Variants in FGF14 observed in about 807,000 individuals in gnomAD.
FGF14 encodes fibroblast growth factor 14, also known as fibroblast growth factor homologous factor 4.
In FGF14, 5 loss-of-function variants were observed where a neutral mutation model predicts 25.5. The ratio of observed to expected loss-of-function variants is 0.20; its 90% CI spans 0.10 to 0.41. FGF14 has a LOEUF of 0.41. Ranked by LOEUF, FGF14 falls within the 10% of genes least tolerant of loss-of-function variation. The pLI, the probability that FGF14 is intolerant of heterozygous loss-of-function variation, is 1.00. For synonymous variants in FGF14, 138 were observed against 118.3 expected (o/e 1.17, Z -1.08); for missense variants, 222 against 320.1 (o/e 0.69, Z 2.34).
chr13:102,126,986 G>T (rs2045975346), intron 1 of FGF14, among the ~76,000 whole-genome samples: 1 of 152,134 alleles, frequency 6.6e-6, no homozygotes, highest in Non-Finnish European at 1.5e-5. Context: ...TTGCTTTGAG[G>T]TAACAAGCTG....
intron 1 of FGF14, among the ~76,000 whole-genome samples, chr13:101,884,668 C>T (rs116683764): frequency 4.7e-4 from 71 of 152,066 alleles, no homozygotes; most frequent in African/African-American, 1.7e-3. Flanking sequence ...TAATGCATTC[C>T]CTGTCGCTGA....
At chr13:102,288,816 C>T (rs1481314501) in intron 1 of FGF14, among the ~76,000 whole-genome samples, 1 of 152,154 alleles carries the variant, frequency 6.6e-6, no homozygotes, top group Non-Finnish European at 1.5e-5. Flanking sequence ...AACTCCTAAC[C>T]TCAAGTGATC....
At chr13:102,399,998 G>T (rs1595063328) in intron 1 of FGF14, among the ~76,000 whole-genome samples, 1 of 152,164 alleles carries the variant, frequency 6.6e-6, no homozygotes. Context: ...CTCCTTTGCT[G>T]CAGGAATGGT....
At chr13:101,832,332 A>G (rs2042712179) in intron 3 of FGF14, among the ~76,000 whole-genome samples, 1 of 152,072 alleles carries the variant, frequency 6.6e-6, no homozygotes, top group Non-Finnish European at 1.5e-5. Context: ...TGGCCTGGAG[A>G]AGCATCAATG....
At chr13:102,356,680 C>T (rs2139011736) in intron 1 of FGF14, among the ~76,000 whole-genome samples, 1 of 152,254 alleles carries the variant, frequency 6.6e-6, no homozygotes, top group South Asian at 2.1e-4. Flanking sequence ...CCCATTGAAT[C>T]ACACAACTGG....
At chr13:101,858,342 A>C (rs2044235471) in intron 3 of FGF14, among the ~76,000 whole-genome samples, 1 of 151,988 alleles carries the variant, frequency 6.6e-6, no homozygotes. Flanking sequence ...TTTTGCTTCA[A>C]ATTTTAATAG....
chr13:101,962,532 T>A (rs911956393), intron 1 of FGF14, among the ~76,000 whole-genome samples: 1 of 152,060 alleles, frequency 6.6e-6, no homozygotes, highest in Non-Finnish European at 1.5e-5. Flanking sequence ...CCAAAGGCAC[T>A]CAAGGGAATA....
rs75047752 is a variant in FGF14, at chr13:102,117,475, C to T, written c.209-242179G>A. On this transcript the variant is annotated intron_variant, in intron 1 of 4. Coordinates refer to the FGF14 transcript ENST00000376131. Reference sequence around the variant, plus strand: ...CCTCAACTCGGCTTCGTAGAGGAATCACTTGGAGAGCTTTGAAAAATACTG... The same window carrying T: ...CCTCAACTCGGCTTCGTAGAGGAATTACTTGGAGAGCTTTGAAAAATACTG... 7.5e-3 allele frequency among the ~76,000 whole-genome samples: 1,137 copies of T among 152,278 alleles called. 20 individuals carry two copies. Among genetic ancestry groups the T allele is most frequent in the African/African-American group, 0.026 (1,075 of 41,548 alleles).
At chr13:102,182,207 C>T (rs1165057389) in intron 1 of FGF14, among the ~76,000 whole-genome samples, 1 of 152,074 alleles carries the variant, frequency 6.6e-6, no homozygotes, top group African/African-American at 2.4e-5. Context: ...TACAGAGACG[C>T]TACATTCCCG....
chr13:101,719,836 C>A lies in FGF14; in HGVS notation c.*2995G>T, dbSNP rs528589817. The A allele has an allele frequency of 2.6e-5, 4 of 151,858 alleles. No individual in the cohort carries two copies. In the South Asian group the frequency reaches 8.3e-4, roughly 32 times the overall value. 9.4% of individuals were successfully genotyped at this position (151,858 alleles called of 1,614,324 possible). On this transcript the variant is annotated 3_prime_UTR_variant, in exon 5 of 5. Transcript: ENST00000376143. ...ACATCAGTAGTGACAGATTGCACTTCTTACTTAATAACAGCAAACTTAATT... is the reference window on the plus strand; with the variant it reads ...ACATCAGTAGTGACAGATTGCACTTATTACTTAATAACAGCAAACTTAATT...
At chr13:102,195,024 A>C (rs2049288237) in intron 1 of FGF14, among the ~76,000 whole-genome samples, 1 of 152,164 alleles carries the variant, frequency 6.6e-6, no homozygotes, top group Admixed American at 6.5e-5. Context: ...ACTATTCTTC[A>C]AAAATGAAAA....
intron 3 of FGF14, among the ~76,000 whole-genome samples, chr13:101,739,945 C>T (rs779876559): frequency 6.6e-6 from 1 of 152,170 alleles, no homozygotes; most frequent in Non-Finnish European, 1.5e-5. Flanking sequence ...AGTTAAAAAT[C>T]AACTTAGAAC....
intron 1 of FGF14, among the ~76,000 whole-genome samples, chr13:102,118,317 G>T (rs2045566539): frequency 6.6e-6 from 1 of 151,702 alleles, no homozygotes; most frequent in Non-Finnish European, 1.5e-5. Context: ...AAAAGAGAGA[G>T]AAAAATAATT....
At chr13:102,155,157 G>A (rs1389294634) in intron 1 of FGF14, among the ~76,000 whole-genome samples, 7 of 152,208 alleles carry the variant, frequency 4.6e-5, no homozygotes, top group Admixed American at 4.6e-4. Context: ...TCTGCACCAA[G>A]CAGACCTAAT....
chr13:101,785,247 T>A (rs1242725598), intron 3 of FGF14, among the ~76,000 whole-genome samples: 1 of 151,670 alleles, frequency 6.6e-6, no homozygotes, highest in East Asian at 1.9e-4. Context: ...GAGCATCCCT[T>A]CTGCTTTGTA....
intron 1 of FGF14, among the ~76,000 whole-genome samples, chr13:102,042,203 T>C (rs1236650650): frequency 6.6e-6 from 1 of 152,236 alleles, no homozygotes; most frequent in Non-Finnish European, 1.5e-5. Context: ...GCAGTCTGCA[T>C]CTGCATGGCA....
At chr13:101,890,550 G>A (rs899271575) in intron 1 of FGF14, among the ~76,000 whole-genome samples, 7 of 152,148 alleles carry the variant, frequency 4.6e-5, no homozygotes, top group South Asian at 2.1e-4. Flanking sequence ...CTCAGATCTC[G>A]GCAAGAACAG....
chr13:102,366,940 G>A (rs551457875), intron 1 of FGF14, among the ~76,000 whole-genome samples: 11 of 152,196 alleles, frequency 7.2e-5, no homozygotes, highest in South Asian at 2.1e-4. Flanking sequence ...ACATTGTGTG[G>A]CAATTACTTT....
chr13:102,140,207 T>A (rs989103034), intron 1 of FGF14, among the ~76,000 whole-genome samples: 1 of 152,122 alleles, frequency 6.6e-6, no homozygotes, highest in African/African-American at 2.4e-5. Flanking sequence ...CTTTGAAAAG[T>A]TGTTCAAAAA....
Sources: allele counts gnomAD v4.1 joint callset (sites outside exome capture counted in the v4.1 genomes callset), GRCh38; gene constraint gnomAD v4.1.1; transcripts MANE v1.5; gene names NCBI Gene and HGNC (gene_info 2026-07-23, HGNC 2026-07-21).